SERINC2: variants seen among roughly 807,000 people sequenced by gnomAD.
The protein encoded by SERINC2 is tumor differentially expressed protein 2.
A neutral mutation model predicts 54.2 loss-of-function variants in SERINC2; 56 were observed. The ratio of observed to expected loss-of-function variants is 1.03; its 90% CI spans 0.83 to 1.29. SERINC2 has a LOEUF of 1.29. SERINC2 is among the 50% of genes most tolerant of loss of function. The probability of loss-of-function intolerance (pLI) is 0.00; values close to 1 mark genes in which losing one functional copy is unlikely to be tolerated. For synonymous variants in SERINC2, 272 were observed against 253.1 expected (o/e 1.07, Z -0.71); for missense variants, 614 against 607.4 (o/e 1.01, Z -0.12).
intron 1 of SERINC2, among the ~76,000 whole-genome samples, chr1:31,418,675 A>G (rs927610543): frequency 1.3e-5 from 2 of 152,160 alleles, no homozygotes; most frequent in Non-Finnish European, 2.9e-5. Context: ...ACGCCCAGAC[A>G]GCCAGTTTGT....
chr1:31,427,902 C>T (rs1641088541), intron 6 of SERINC2, among the ~76,000 whole-genome samples: 1 of 147,052 alleles, frequency 6.8e-6, no homozygotes, highest in South Asian at 2.2e-4. Flanking sequence ...AATCTCGGCT[C>T]ACTGCAAGCT....
At chr1:31,414,274 C>T (rs1156682673) in intron 1 of SERINC2, 1 of 1,320,068 alleles carries the variant, frequency 7.6e-7, no homozygotes. Context: ...CCCAGCCCCC[C>T]TCTCCTTTCC....
rs1355138440 is a variant in SERINC2, at chr1:31,413,622, G to T, written c.39+318G>T. The stretch of plus-strand genomic sequence containing the variant: ...GAGACTAAGCCTGGAGCCCGGGGTC[G>T]GGGCAGCTCTGTGGGCCCTCGTCGC... On this transcript the variant is annotated intron_variant, in intron 1 of 9. Transcript: ENST00000373709. This position sits in a 1 kb window ranked among gnomAD's most constrained non-coding sequence, Gnocchi z 5.0. Among the ~76,000 whole-genome samples, 4 of 152,010 alleles carry T rather than the reference G, an allele frequency of 2.6e-5. No homozygotes were observed. Among genetic ancestry groups the T allele is most frequent in the Non-Finnish European group, 5.9e-5 (4 of 67,978 alleles).
chr1:31,428,929 T>C (rs782581998), intron 6 of SERINC2, 49 bp from the exon 7 acceptor site: 1 of 1,037,750 alleles, frequency 9.6e-7, no homozygotes, highest in South Asian at 1.5e-5. Flanking sequence ...CTGGGTGGGG[T>C]GGGGTGTCTC....
rs1557499816 is a variant in SERINC2, at chr1:31,431,796, TAGGGTGGAC to T, written c.1014-1153_1014-1145del. On this transcript the variant is annotated intron_variant, in intron 8 of 9. Transcript: ENST00000373709. Reference sequence around the variant, plus strand: ...GGGTGAATAGGGTGGATAGGGTGGATAGGGTGGACAGGGTGGACAGGGTGGATAGGGTGG... The same window carrying T: ...GGGTGAATAGGGTGGATAGGGTGGATAGGGTGGACAGGGTGGATAGGGTGG... Among the ~76,000 whole-genome samples the T allele has an allele frequency of 4.1e-3, 45 of 10,954 alleles. 1 individual carries two copies. The highest frequency in any genetic ancestry group is 0.056 in the Middle Eastern group (1 of 18). 7.2% of individuals were successfully genotyped at this position (10,954 alleles called of 152,430 possible).
intron 8 of SERINC2, among the ~76,000 whole-genome samples, chr1:31,431,602 A>G (rs1239659210): frequency 6.6e-6 from 1 of 152,224 alleles, no homozygotes; most frequent in African/African-American, 2.4e-5. Flanking sequence ...GCTCCCTGGC[A>G]CATGCACTGC....
chr1:31,414,246 C>A (rs978667241), intron 1 of SERINC2: 2 of 1,341,314 alleles, frequency 1.5e-6, no homozygotes, highest in Non-Finnish European at 1.9e-6. Flanking sequence ...CTGGGAGGCC[C>A]GTTCTCCCTT....
chr1:31,410,562 C>A, upstream of SERINC2: 1 of 1,339,652 alleles, frequency 7.5e-7, no homozygotes, highest in Non-Finnish European at 1.0e-6. Flanking sequence ...GTCAGAGTGG[C>A]TATCCCTTTA....
At chr1:31,415,331 G>A (rs1640756785) in intron 1 of SERINC2, among the ~76,000 whole-genome samples, 2 of 152,274 alleles carry the variant, frequency 1.3e-5, no homozygotes, top group African/African-American at 4.8e-5. Flanking sequence ...CCATCCCCTT[G>A]GGGTTCTGGC....
intron 8 of SERINC2, among the ~76,000 whole-genome samples, chr1:31,430,272 G>C (rs1180692657): frequency 6.6e-6 from 1 of 152,004 alleles, no homozygotes. Context: ...CCAGCACTTT[G>C]GGAGGCCGAG....
chr1:31,424,588 G>C, intron 2 of SERINC2, 95 bp from the exon 3 acceptor site: 1 of 1,078,252 alleles, frequency 9.3e-7, no homozygotes, highest in Non-Finnish European at 1.3e-6. Context: ...CTCTTTCCTG[G>C]CCGGCCTTGG....
chr1:31,410,515 C>T (rs1640630672), upstream of SERINC2: 41 of 1,527,280 alleles, frequency 2.7e-5, no homozygotes, highest in Non-Finnish European at 3.6e-5. Flanking sequence ...AGGACAGTGG[C>T]AGCATATTAC....
intron 8 of SERINC2, among the ~76,000 whole-genome samples, chr1:31,432,719 A>G (rs1387932771): frequency 6.6e-6 from 1 of 152,138 alleles, no homozygotes; most frequent in Non-Finnish European, 1.5e-5. Flanking sequence ...GCAGCCCTCT[A>G]GAGGAGGTAC....
chr1:31,433,089 A>G lies in SERINC2; in HGVS notation c.1136A>G (p.Asn379Ser). The change falls in exon 9 of 10, where the codon AAC becomes AGC. Residue 379 changes from asparagine (N) to serine (S), a missense_variant. Asn to Ser is a conservative substitution (Grantham distance 46). Transcript: ENST00000373709. The part of the protein sequence containing the change: ...VAACEGRAFD[N>S]EQDGVTYSYS... The stretch of plus-strand genomic sequence containing the variant: ...GCCTGTGAGGGCCGGGCCTTTGACA[A>G]CGAGCAGGACGGCGTCACCTACAGC... The G allele has an allele frequency of 1.2e-6, 2 of 1,613,640 alleles. No individual in the cohort carries two copies. Among genetic ancestry groups the G allele is most frequent in the Non-Finnish European group, 1.7e-6 (2 of 1,180,018 alleles).
Position 31,428,996 on chromosome 1 carries a change from G to T in SERINC2, c.799G>T (p.Gly267Cys), listed in dbSNP as rs1641119360. The stretch of plus-strand genomic sequence containing the variant: ...TTGCCAGGACGCCCAGCCCAACTCG[G>T]GTCTGCTGCAGGCCTCGGTCATCAC... ...PKVQDAQPNS[G>C]LLQASVITLY... The change falls in exon 7 of 10, where the codon GGT becomes TGT. Residue 267 changes from glycine (G) to cysteine (C), a missense_variant. Physicochemically the swap from Gly to Cys is radical, Grantham distance 159. Transcript: ENST00000373709. 6.2e-7 allele frequency: 1 copy of T among 1,613,768 alleles called. No individual in the cohort carries two copies. The highest frequency in any genetic ancestry group is 1.3e-5 in the African/African-American group (1 of 74,850).
chr1:31,413,086 C>T, upstream of SERINC2: 1 of 980,178 alleles, frequency 1.0e-6, no homozygotes, highest in Non-Finnish European at 1.2e-6. This position sits in a 1 kb window ranked among gnomAD's most constrained non-coding sequence, Gnocchi z 5.0. Context: ...CCTCCTGGCG[C>T]ACCTGCCCCA....
intron 5 of SERINC2, 130 bp from the exon 6 acceptor site, chr1:31,426,523 GT>G (rs1329986533): frequency 7.3e-6 from 5 of 683,346 alleles, no homozygotes; most frequent in Non-Finnish European, 1.2e-5. Flanking sequence ...AGGCAGTGAC[GT>G]CATTCTTCAA....
intron 3 of SERINC2, among the ~76,000 whole-genome samples, chr1:31,425,097 G>T (rs1553133349): frequency 6.6e-6 from 1 of 152,200 alleles, no homozygotes. Context: ...ACACAGCTGG[G>T]GCTGGACCTG....
chr1:31,432,044 TGGACAG>T (rs1553134675), intron 8 of SERINC2, among the ~76,000 whole-genome samples: 2 of 130,852 alleles, frequency 1.5e-5, no homozygotes, highest in African/African-American at 6.4e-5. Context: ...GTGGACAGGG[TGGACAG>T]GGTGGACAGG....
Sources: allele counts gnomAD v4.1 joint callset (sites outside exome capture counted in the v4.1 genomes callset), GRCh38; gene constraint gnomAD v4.1.1; non-coding constraint Gnocchi (gnomAD v3.1); transcripts MANE v1.5; gene names NCBI Gene and HGNC (gene_info 2026-07-23, HGNC 2026-07-21).